The following FMN1 variants were observed in gnomAD, a reference collection of about 807,000 sequenced individuals.
FMN1 encodes the protein formin 1, also known as formin-1.
Under a neutral mutation model 132.4 loss-of-function variants are expected in FMN1, and 110 were observed. The observed-to-expected ratio is 0.83, with a 90% confidence interval of 0.71 to 0.97. The LOEUF (loss-of-function observed/expected upper bound fraction) is 0.97. FMN1 is among the 50% of genes least tolerant of loss of function. The pLI, the probability that FMN1 is intolerant of heterozygous loss-of-function variation, is 0.00. For synonymous variants in FMN1, 722 were observed against 651.7 expected, an observed-to-expected ratio of 1.11 and a Z score of -1.64; for missense variants, 1,792 against 1,705.3, an observed-to-expected ratio of 1.05 and a Z score of -0.90.
chr15:32,981,336 G>T (rs970557692), intron 7 of FMN1, among the ~76,000 whole-genome samples: 1 of 151,360 alleles, frequency 6.6e-6, no homozygotes, highest in Non-Finnish European at 1.5e-5. Context: ...CTAAAAATAC[G>T]AAAAAAATTA....
intron 4 of FMN1, among the ~76,000 whole-genome samples, chr15:33,151,618 CA>C (rs1452703379): frequency 5.3e-5 from 8 of 152,142 alleles, no homozygotes; most frequent in African/African-American, 1.9e-4. Context: ...TACTAAAGAG[CA>C]ATGTATTTAA....
Position 33,154,875 on chromosome 15 carries a change from T to C in FMN1, c.40A>G (p.Ile14Val). The C allele has an allele frequency of 2.6e-6, 4 of 1,536,226 alleles. No homozygotes were observed. Among genetic ancestry groups the C allele is most frequent in the South Asian group, 1.2e-5 (1 of 84,056 alleles). The change falls in exon 4 of 21, where the codon ATT becomes GTT. Residue 14 changes from isoleucine (I) to valine (V), a missense_variant. By Grantham distance (29) the Ile-to-Val change is conservative. Coordinates refer to ENST00000616417, the MANE Select transcript of FMN1 (RefSeq NM_001277313.2). Reference sequence around the variant, plus strand: ...AAGCTGATGTAGCAGAGTTCCGTAATGGGCTTATGCAATTGGAGGGTACAA... The same window carrying C: ...AAGCTGATGTAGCAGAGTTCCGTAACGGGCTTATGCAATTGGAGGGTACAA... ...THCTLQLHKPITELCYISFCL... is the reference protein window; with the variant it reads ...THCTLQLHKPVTELCYISFCL...
intron 7 of FMN1, among the ~76,000 whole-genome samples, chr15:32,992,671 C>G (rs1191265699): frequency 6.6e-6 from 1 of 152,072 alleles, no homozygotes; most frequent in African/African-American, 2.4e-5. Context: ...CTTCTAATAT[C>G]CTAATCATTT....
chr15:33,192,968 G>T (rs1252750224), intron 2 of FMN1, among the ~76,000 whole-genome samples: 1 of 152,190 alleles, frequency 6.6e-6, no homozygotes, highest in Non-Finnish European at 1.5e-5. Context: ...GAGCTAGTCA[G>T]TGGCTGGTCC....
rs768878287 is a variant in FMN1, at chr15:32,898,865, AC to A, written c.3682del (p.Val1228LeufsTer40). On this transcript the variant is annotated frameshift_variant, in exon 15 of 21. Transcript: ENST00000616417. LOFTEE classifies it high-confidence loss of function. ...RDNGINLVDY[V>X]VKYYLRYYDQ... ...ATAGTAACGCAGGTAATACTTAACAACGTAGTCCACCAGATTAATCCCATTA... is the reference window on the plus strand; with the variant it reads ...ATAGTAACGCAGGTAATACTTAACAAGTAGTCCACCAGATTAATCCCATTA... 6.2e-7 allele frequency: 1 copy of A among 1,602,596 alleles called. No homozygotes were observed. Among genetic ancestry groups the A allele is most frequent in the Non-Finnish European group, 8.5e-7 (1 of 1,170,980 alleles).
chr15:32,835,337 G>C (rs1477993506), intron 17 of FMN1, among the ~76,000 whole-genome samples: 3 of 152,120 alleles, frequency 2.0e-5, no homozygotes, highest in Non-Finnish European at 4.4e-5. Context: ...AATAAACTTA[G>C]AATTATTTTC....
intron 6 of FMN1, among the ~76,000 whole-genome samples, chr15:33,047,512 G>A (rs1200422919): frequency 6.6e-6 from 1 of 152,100 alleles, no homozygotes; most frequent in African/African-American, 2.4e-5. Flanking sequence ...GGACACCTTG[G>A]GAAAAGCAGA....
At chr15:32,832,693 G>A (rs542202197) in intron 17 of FMN1, among the ~76,000 whole-genome samples, 25 of 152,194 alleles carry the variant, frequency 1.6e-4, no homozygotes, top group African/African-American at 5.5e-4. Flanking sequence ...CAGGGGAATC[G>A]CTTGAACCCG....
chr15:33,096,462 C>T (rs913090674), intron 4 of FMN1, among the ~76,000 whole-genome samples: 3 of 152,160 alleles, frequency 2.0e-5, no homozygotes, highest in Non-Finnish European at 4.4e-5. Flanking sequence ...CATCCAGATT[C>T]GTAAATCGCC....
chr15:32,992,442 T>C (rs905384983), intron 7 of FMN1, among the ~76,000 whole-genome samples: 1 of 151,510 alleles, frequency 6.6e-6, no homozygotes, highest in Middle Eastern at 3.2e-3. Flanking sequence ...TGGTGTGATT[T>C]AGTGTTTATA....
intron 16 of FMN1, among the ~76,000 whole-genome samples, chr15:32,867,221 CATT>C (rs907125283): frequency 6.6e-6 from 1 of 152,196 alleles, no homozygotes; most frequent in Non-Finnish European, 1.5e-5. Flanking sequence ...TATAAAATCT[CATT>C]ATGCCAGTCC....
chr15:32,951,575 GGAT>G (rs1165334413), intron 9 of FMN1, among the ~76,000 whole-genome samples: 1 of 151,990 alleles, frequency 6.6e-6, no homozygotes, highest in African/African-American at 2.4e-5. Context: ...CTTTCCTTTG[GGAT>G]GACACTGGAG....
chr15:32,862,074 G>C (rs1283460909), intron 16 of FMN1, among the ~76,000 whole-genome samples: 4 of 152,142 alleles, frequency 2.6e-5, no homozygotes, highest in Admixed American at 6.5e-5. Context: ...AGGCCAGGCA[G>C]CTTGCCTGCT....
intron 4 of FMN1, among the ~76,000 whole-genome samples, chr15:33,102,071 T>G (rs2039314560): frequency 6.6e-6 from 1 of 152,118 alleles, no homozygotes; most frequent in African/African-American, 2.4e-5. Flanking sequence ...TATCTCCCCT[T>G]TTCTATTCTT....
intron 6 of FMN1, among the ~76,000 whole-genome samples, chr15:33,016,044 A>G (rs72719368): frequency 0.092 from 14,001 of 152,286 alleles, 743 homozygotes; most frequent in Non-Finnish European, 0.12. Context: ...CTACCAAGTG[A>G]TTATAATGCA....
chr15:33,051,064 G>C, intron 6 of FMN1, among the ~76,000 whole-genome samples: 1 of 152,218 alleles, frequency 6.6e-6, no homozygotes, highest in East Asian at 1.9e-4. Flanking sequence ...AGCAATGTAA[G>C]TAACTGTTCA....
At chr15:33,026,096 T>TACACACACAC (rs58334971) in intron 6 of FMN1, among the ~76,000 whole-genome samples, 27 of 144,814 alleles carry the variant, frequency 1.9e-4, no homozygotes, top group African/African-American at 3.1e-4. Flanking sequence ...TGCTTAGGCA[T>TACACACACAC]ACACACACAC....
intron 5 of FMN1, among the ~76,000 whole-genome samples, chr15:33,081,162 ACAAGAGCCTGGACCGTTTTCTC>A (rs1450342477): frequency 2.6e-5 from 4 of 152,162 alleles, no homozygotes; most frequent in Non-Finnish European, 5.9e-5. Flanking sequence ...TTCCATTAAG[ACAAGAGCCTGGACCGTTTTCTC>A]CACGGCTAGC....
At chr15:33,114,899 A>C (rs995302065) in intron 4 of FMN1, among the ~76,000 whole-genome samples, 4 of 147,650 alleles carry the variant, frequency 2.7e-5, no homozygotes, top group Admixed American at 7.1e-5. Flanking sequence ...AGATGCAAGC[A>C]TCTCTACGTT....
Sources: allele counts gnomAD v4.1 joint callset (sites outside exome capture counted in the v4.1 genomes callset), GRCh38; gene constraint gnomAD v4.1.1; transcripts MANE v1.5; gene names NCBI Gene and HGNC (gene_info 2026-07-23, HGNC 2026-07-21).